The following GRM5 variants were observed in gnomAD, a reference collection of about 807,000 sequenced individuals.
GRM5 encodes the protein glutamate metabotropic receptor 5.
A neutral mutation model predicts 83.1 loss-of-function variants in GRM5; 19 were observed. That is an observed-to-expected ratio of 0.23 (90% confidence interval 0.16 to 0.34). GRM5 has a LOEUF of 0.34. GRM5 is among the 10% of genes least tolerant of loss of function. The pLI is 1.00. For missense variants in GRM5, 1,160 were observed against 1,588.3 expected, an observed-to-expected ratio of 0.73 and a Z score of 4.58; for synonymous variants, 675 against 633.6, an observed-to-expected ratio of 1.07 and a Z score of -0.98.
Position 88,762,813 on chromosome 11 carries a change from A to G in GRM5, c.911+87093T>C, listed in dbSNP as rs78847635. On this transcript the variant is annotated intron_variant, in intron 3 of 9. Coordinates refer to ENST00000305447, the MANE Select transcript of GRM5 (RefSeq NM_001143831.3). ...TAGACTGGTAAAGAAAACATAGTAC[A>G]TGTGCACCATGGAGTACTATGCAGT... is the stretch of plus-strand genomic sequence containing the variant. 5.3e-5 allele frequency among the ~76,000 whole-genome samples: 8 copies of G among 152,132 alleles called. No individual in the cohort carries two copies. In the East Asian group the frequency reaches 1.4e-3, roughly 26 times the overall value.
intron 2 of GRM5, among the ~76,000 whole-genome samples, chr11:88,973,187 A>C (rs1290652055): frequency 6.6e-6 from 1 of 152,142 alleles, no homozygotes; most frequent in Non-Finnish European, 1.5e-5. Context: ...ATCAATACTT[A>C]TTTCCTGATT....
chr11:88,799,223 G>T (rs540035904), intron 3 of GRM5, among the ~76,000 whole-genome samples: 53 of 152,070 alleles, frequency 3.5e-4, no homozygotes, highest in African/African-American at 1.2e-3. Flanking sequence ...TTATAATTAT[G>T]AAAATTAGAT....
chr11:88,668,410 A>T (rs1378324656), intron 3 of GRM5, among the ~76,000 whole-genome samples: 1 of 144,232 alleles, frequency 6.9e-6, no homozygotes, highest in South Asian at 2.1e-4. Flanking sequence ...ACCAATACTC[A>T]ACAATTTTTT....
chr11:89,013,907 G>T (rs1940776923), intron 2 of GRM5, among the ~76,000 whole-genome samples: 1 of 152,152 alleles, frequency 6.6e-6, no homozygotes, highest in African/African-American at 2.4e-5. Context: ...TAGAGATTAG[G>T]TAACACTTAT....
chr11:88,644,472 G>T (rs1939385255), intron 4 of GRM5, among the ~76,000 whole-genome samples: 1 of 152,184 alleles, frequency 6.6e-6, no homozygotes, highest in South Asian at 2.1e-4. Flanking sequence ...AATGGAGAAA[G>T]ATGAATATAA....
intron 3 of GRM5, among the ~76,000 whole-genome samples, chr11:88,679,036 A>AAAATACATGAAATGT (rs1274097173): frequency 6.6e-6 from 1 of 152,224 alleles, no homozygotes; most frequent in Non-Finnish European, 1.5e-5. Context: ...AAGTTCAATG[A>AAAATACATGAAATGT]AAATACATGA....
intron 3 of GRM5, among the ~76,000 whole-genome samples, chr11:88,742,262 T>C (rs1294117836): frequency 6.6e-6 from 1 of 152,046 alleles, no homozygotes; most frequent in Non-Finnish European, 1.5e-5. Context: ...AGCACTTTCA[T>C]AGCCATTATC....
intron 2 of GRM5, among the ~76,000 whole-genome samples, chr11:88,994,464 T>C (rs982360585): frequency 9.8e-6 from 1 of 101,734 alleles, no homozygotes; most frequent in Non-Finnish European, 2.0e-5. Context: ...TATATATATA[T>C]ATATATATAT....
chr11:88,852,302 C>T (rs1944401683), intron 2 of GRM5, among the ~76,000 whole-genome samples: 1 of 152,120 alleles, frequency 6.6e-6, no homozygotes, highest in Non-Finnish European at 1.5e-5. Context: ...CTGAGTTCAA[C>T]TTCAATTTAT....
chr11:88,865,694 G>A (rs1314055779), intron 2 of GRM5, among the ~76,000 whole-genome samples: 3 of 149,268 alleles, frequency 2.0e-5, no homozygotes, highest in Admixed American at 2.0e-4. Context: ...AATCTACAAG[G>A]AACTTAAACA....
At chr11:88,571,016 T>C (rs935767142) in intron 7 of GRM5, among the ~76,000 whole-genome samples, 1 of 152,158 alleles carries the variant, frequency 6.6e-6, no homozygotes, top group Non-Finnish European at 1.5e-5. Flanking sequence ...GTTATGTTTG[T>C]ATATAGGGCA....
At chr11:88,765,048 G>A (rs573596227) in intron 3 of GRM5, among the ~76,000 whole-genome samples, 1 of 151,146 alleles carries the variant, frequency 6.6e-6, no homozygotes, top group Non-Finnish European at 1.5e-5. Flanking sequence ...GAAATAAAAA[G>A]GATTATAAAG....
intron 3 of GRM5, among the ~76,000 whole-genome samples, chr11:88,706,695 A>G (rs539936819): frequency 6.6e-6 from 1 of 152,096 alleles, no homozygotes. Context: ...CAGAAATAAT[A>G]CAGAAAATGT....
chr11:88,586,199 T>C lies in GRM5; in HGVS notation c.1690+4402A>G, dbSNP rs142965077. ...CACCTGTAAACACCTTAACGTTAGG[T>C]AGCCTTCATTTAGGATATTTCTATG... is the stretch of plus-strand genomic sequence containing the variant. On this transcript the variant is annotated intron_variant, in intron 7 of 9. Coordinates refer to ENST00000305447, the MANE Select transcript of GRM5 (RefSeq NM_001143831.3). Among the ~76,000 whole-genome samples, 1,115 of 152,242 alleles carry C rather than the reference T, an allele frequency of 7.3e-3. 11 individuals are homozygous for C. Among genetic ancestry groups the C allele is most frequent in the African/African-American group, 0.026 (1,077 of 41,540 alleles).
chr11:88,836,985 C>T (rs187798539), intron 3 of GRM5, among the ~76,000 whole-genome samples: 1,628 of 152,216 alleles, frequency 0.011, 36 homozygotes, highest in African/African-American at 0.037. Context: ...TTACTAAAAA[C>T]TAAAGTTTCA....
chr11:88,653,440 A>G lies in GRM5; in HGVS notation c.912-37T>C, dbSNP rs200160723. The G allele has an allele frequency of 1.4e-5, 19 of 1,394,466 alleles. No individual in the cohort carries two copies. In the East Asian group the frequency reaches 1.4e-4, roughly 10 times the overall value. The allele number at this position is 1,394,466 out of a possible 1,614,324, so 86.4% of individuals were successfully genotyped here. On this transcript the variant is annotated intron_variant, in intron 3 of 9. Transcript: ENST00000305447. ...TAAAAAAACCCTCAGCTTAGAACAG[A>G]TATCTCCTAAGCAAATGAGTCCATT...
chr11:88,958,867 T>C (rs1234212615), intron 2 of GRM5, among the ~76,000 whole-genome samples: 3 of 152,130 alleles, frequency 2.0e-5, no homozygotes, highest in South Asian at 2.1e-4. Context: ...ATAGAAAATA[T>C]AGAAATATTT....
intron 2 of GRM5, among the ~76,000 whole-genome samples, chr11:88,936,510 A>T (rs1937899749): frequency 6.6e-6 from 1 of 152,046 alleles, no homozygotes; most frequent in East Asian, 1.9e-4. Context: ...ACTATGTCAA[A>T]TAAAGAAAAG....
chr11:88,672,338 C>CA (rs2135334064), intron 3 of GRM5, among the ~76,000 whole-genome samples: 1 of 151,908 alleles, frequency 6.6e-6, no homozygotes, highest in East Asian at 1.9e-4. Context: ...AATTTGATGA[C>CA]AAACATATTA....
Sources: gnomAD v4.1 joint callset for allele counts (sites outside exome capture counted in the v4.1 genomes callset) on GRCh38, gnomAD v4.1.1 for gene constraint, MANE v1.5 for transcripts, NCBI Gene and HGNC (gene_info 2026-07-23, HGNC 2026-07-21) for gene names.